The following RBFOX1 variants were observed in gnomAD, a reference collection of about 807,000 sequenced individuals.
RBFOX1 encodes RNA binding fox-1 homolog 1.
A neutral mutation model predicts 57.7 loss-of-function variants in RBFOX1; 8 were observed. The observed-to-expected ratio is 0.14, with a 90% CI of 0.08 to 0.25. RBFOX1 has a LOEUF of 0.25. Ranked by LOEUF, RBFOX1 falls within the 10% of genes least tolerant of loss-of-function variation. The probability of loss-of-function intolerance (pLI) is 1.00; values close to 1 mark genes in which losing one functional copy is unlikely to be tolerated. For missense variants in RBFOX1, 611 were observed against 548.5 expected (o/e 1.11, Z -1.14); for synonymous variants, 326 against 222.4 (o/e 1.47, Z -4.15).
chr16:6,123,554 T>C (rs534067543), intron 1 of RBFOX1, among the ~76,000 whole-genome samples: 4 of 152,284 alleles, frequency 2.6e-5, no homozygotes, highest in African/African-American at 9.6e-5. Flanking sequence ...TATGGGAAGA[T>C]GATAAAATTA....
At chr16:6,783,613 T>C (rs760138821) in intron 3 of RBFOX1, among the ~76,000 whole-genome samples, 8 of 152,096 alleles carry the variant, frequency 5.3e-5, no homozygotes, top group Admixed American at 1.3e-4. Context: ...AACAAATTGT[T>C]GTAGTTATTA....
intron 4 of RBFOX1, among the ~76,000 whole-genome samples, chr16:7,255,525 T>C (rs2094642548): frequency 6.6e-6 from 1 of 152,240 alleles, no homozygotes; most frequent in Non-Finnish European, 1.5e-5. Context: ...TTATATTTAG[T>C]GTAAAAGAGA....
At chr16:6,555,865 C>G (rs1314727912) in intron 2 of RBFOX1, among the ~76,000 whole-genome samples, 2 of 152,126 alleles carry the variant, frequency 1.3e-5, no homozygotes, top group Non-Finnish European at 2.9e-5. Flanking sequence ...AGCACAGTGT[C>G]TGGTTATTAG....
At chr16:6,295,257 G>A (rs1422657618) in intron 1 of RBFOX1, among the ~76,000 whole-genome samples, 1 of 152,066 alleles carries the variant, frequency 6.6e-6, no homozygotes, top group African/African-American at 2.4e-5. Flanking sequence ...CCAAGTAGCT[G>A]GGATTACAGG....
intron 3 of RBFOX1, among the ~76,000 whole-genome samples, chr16:5,748,756 A>G (rs898767321): frequency 2.0e-5 from 3 of 152,058 alleles, no homozygotes; most frequent in Admixed American, 6.5e-5. Context: ...TTTTGAGCCT[A>G]TGTGTGTCTC....
At chr16:7,488,679 C>G (rs899530335) in intron 4 of RBFOX1, among the ~76,000 whole-genome samples, 1 of 152,190 alleles carries the variant, frequency 6.6e-6, no homozygotes, top group Non-Finnish European at 1.5e-5. Context: ...CATCATCTAT[C>G]CATCTATCTA....
chr16:6,737,448 A>G (rs1169388707), intron 3 of RBFOX1, among the ~76,000 whole-genome samples: 2 of 152,222 alleles, frequency 1.3e-5, no homozygotes, highest in African/African-American at 2.4e-5. Flanking sequence ...AATATTTGAA[A>G]GTTAAAAAGA....
chr16:6,036,001 C>G (rs2095360330), intron 1 of RBFOX1, among the ~76,000 whole-genome samples: 1 of 152,186 alleles, frequency 6.6e-6, no homozygotes, highest in Non-Finnish European at 1.5e-5. Context: ...AGGTGCTTTA[C>G]ATATACTATC....
chr16:5,569,464 TTTTC>T (rs1596309783), intron 2 of RBFOX1, among the ~76,000 whole-genome samples: 56 of 108,694 alleles, frequency 5.2e-4, no homozygotes, highest in East Asian at 1.3e-3. Flanking sequence ...TTTTTTTTTT[TTTTC>T]TTCTTCTTTT....
At chr16:7,071,386 A>AG (rs1335864982) in intron 4 of RBFOX1, among the ~76,000 whole-genome samples, 2 of 152,204 alleles carry the variant, frequency 1.3e-5, no homozygotes, top group African/African-American at 4.8e-5. Flanking sequence ...AAAAGCGCAG[A>AG]GGAGAGTATT....
chr16:6,897,179 T>A (rs566129020), intron 3 of RBFOX1, among the ~76,000 whole-genome samples: 1 of 152,330 alleles, frequency 6.6e-6, no homozygotes, highest in Non-Finnish European at 1.5e-5. Context: ...GAGTAGAGAT[T>A]TAAACACAGG....
intron 2 of RBFOX1, among the ~76,000 whole-genome samples, chr16:5,587,522 G>C (rs760764586): frequency 1.7e-4 from 26 of 152,142 alleles, no homozygotes; most frequent in Non-Finnish European, 2.6e-4. Flanking sequence ...AGACAAGCCT[G>C]GCCAACATGG....
chr16:7,066,947 C>G (rs1476784443), intron 4 of RBFOX1, among the ~76,000 whole-genome samples: 1 of 152,178 alleles, frequency 6.6e-6, no homozygotes, highest in South Asian at 2.1e-4. Flanking sequence ...ATATACCAAA[C>G]TGTAGAATTT....
At chr16:7,106,074 C>A (rs890859304) in intron 4 of RBFOX1, among the ~76,000 whole-genome samples, 1 of 152,152 alleles carries the variant, frequency 6.6e-6, no homozygotes, top group Non-Finnish European at 1.5e-5. Flanking sequence ...CTATTCAGTA[C>A]CCCCACCTCC....
chr16:7,498,303 G>A (rs1316689970), intron 4 of RBFOX1, among the ~76,000 whole-genome samples: 3 of 152,116 alleles, frequency 2.0e-5, no homozygotes, highest in Non-Finnish European at 4.4e-5. Context: ...AATAGTCTAA[G>A]TTCAATCTTA....
intron 3 of RBFOX1, among the ~76,000 whole-genome samples, chr16:6,785,423 C>G (rs1033164859): frequency 6.6e-6 from 1 of 152,048 alleles, no homozygotes; most frequent in Admixed American, 6.6e-5. Context: ...TTAGGCTGGG[C>G]AAAACTGCAT....
chr16:6,989,297 T>G (rs1480890448), intron 3 of RBFOX1, among the ~76,000 whole-genome samples: 1 of 152,242 alleles, frequency 6.6e-6, no homozygotes. Context: ...AATTTGTCTA[T>G]GAAGATATAT....
At chr16:5,917,536 A>G (rs1597785218) in intron 4 of RBFOX1, among the ~76,000 whole-genome samples, 1 of 152,192 alleles carries the variant, frequency 6.6e-6, no homozygotes, top group East Asian at 1.9e-4. Context: ...TTGTTCTGAC[A>G]CCACCTGTGG....
At chr16:7,169,313 C>T (rs907361890) in intron 4 of RBFOX1, among the ~76,000 whole-genome samples, 1 of 152,138 alleles carries the variant, frequency 6.6e-6, no homozygotes, top group African/African-American at 2.4e-5. Flanking sequence ...TTACTAAAAG[C>T]TTTGCATATA....
Sources: allele counts gnomAD v4.1 joint callset (sites outside exome capture counted in the v4.1 genomes callset), GRCh38; gene constraint gnomAD v4.1.1; transcripts MANE v1.5; gene names NCBI Gene and HGNC (gene_info 2026-07-23, HGNC 2026-07-21).